EPB41: variants seen among roughly 807,000 people sequenced by gnomAD.
The protein encoded by EPB41 is protein 4.1.
Under a neutral mutation model 108.0 loss-of-function variants are expected in EPB41, and 65 were observed. That is an observed-to-expected ratio of 0.60 (90% CI 0.49 to 0.74). EPB41 has a LOEUF of 0.74. EPB41 is among the 30% of genes least tolerant of loss of function. EPB41 has a pLI of 0.00. For missense variants in EPB41, 875 were observed against 1,037.0 expected (o/e 0.84, Z 2.15); for synonymous variants, 336 against 358.9 (o/e 0.94, Z 0.72).
chr1:29,031,074 G>T (rs555028058), intron 8 of EPB41, among the ~76,000 whole-genome samples: 1 of 152,252 alleles, frequency 6.6e-6, no homozygotes, highest in South Asian at 2.1e-4. Context: ...CTCCCAAAGT[G>T]CTGGGATTAC....
intron 7 of EPB41, among the ~76,000 whole-genome samples, chr1:29,021,567 A>G (rs1417640320): frequency 6.6e-6 from 1 of 151,934 alleles, no homozygotes; most frequent in Non-Finnish European, 1.5e-5. Flanking sequence ...TTGTGAGCTG[A>G]ATTGGCCATC....
At chr1:28,921,373 C>T (rs1446590335) in intron 1 of EPB41, among the ~76,000 whole-genome samples, 1 of 152,088 alleles carries the variant, frequency 6.6e-6, no homozygotes, top group Non-Finnish European at 1.5e-5. Flanking sequence ...GAGTGTTTCA[C>T]CTTAATAATA....
At chr1:29,094,993 AT>A (rs1662682458) in intron 16 of EPB41, among the ~76,000 whole-genome samples, 1 of 152,256 alleles carries the variant, frequency 6.6e-6, no homozygotes, top group South Asian at 2.1e-4. Flanking sequence ...TATAAATGCT[AT>A]GTAAATAGTT....
intron 1 of EPB41, among the ~76,000 whole-genome samples, chr1:28,923,696 A>G (rs1343735233): frequency 6.6e-6 from 1 of 152,200 alleles, no homozygotes; most frequent in South Asian, 2.1e-4. Flanking sequence ...TCAATATTTA[A>G]TGTATTCTCT....
At position 29,039,387 on chromosome 1, in the gene EPB41, C is replaced by T. The variant is rs1640656759; in HGVS notation, c.1597C>T (p.Arg533Cys). 2.5e-6 allele frequency: 4 copies of T among 1,614,034 alleles called. No individual in the cohort carries two copies. Among genetic ancestry groups the T allele is most frequent in the Non-Finnish European group, 3.4e-6 (4 of 1,180,020 alleles). Residue 533 changes from arginine (R) to cysteine (C), a missense_variant, in exon 11 of 21, where the codon CGT becomes TGT. Physicochemically the swap from Arg to Cys is radical, Grantham distance 180. Coordinates refer to ENST00000343067, the MANE Select transcript of EPB41 (RefSeq NM_001376013.1). ...TGACAGGCCTGCCCCACACTTCGAG[C>T]GTACAGCAAGTAAACGGGCGTCCCG... ...LIDRPAPHFE[R>C]TASKRASRSL...
At chr1:28,969,487 C>T (rs1172775218) in intron 1 of EPB41, among the ~76,000 whole-genome samples, 5 of 151,762 alleles carry the variant, frequency 3.3e-5, no homozygotes, top group East Asian at 2.0e-4. Context: ...TGAAATTAGC[C>T]GGGCGCAGTG....
At chr1:28,907,807 A>C (rs1391997537) in intron 1 of EPB41, among the ~76,000 whole-genome samples, 4 of 150,348 alleles carry the variant, frequency 2.7e-5, no homozygotes, top group African/African-American at 9.9e-5. Context: ...CTCCAAAGCT[A>C]GTGCCAGATT....
At chr1:29,008,013 A>G (rs1182035945) in intron 4 of EPB41, among the ~76,000 whole-genome samples, 1 of 152,194 alleles carries the variant, frequency 6.6e-6, no homozygotes, top group Non-Finnish European at 1.5e-5. Context: ...CTTTAAACAT[A>G]TACCTATTTA....
At chr1:29,033,428 CT>C (rs753602931) in intron 9 of EPB41, among the ~76,000 whole-genome samples, 183 bp downstream of exon 9, 3 of 152,120 alleles carry the variant, frequency 2.0e-5, no homozygotes, top group Non-Finnish European at 4.4e-5. Flanking sequence ...TACTACTGGT[CT>C]TCTGGACATT....
At chr1:29,059,132 AGGCGTGTTGGTGCAC>A (rs1646073425) in intron 14 of EPB41, among the ~76,000 whole-genome samples, 1 of 152,094 alleles carries the variant, frequency 6.6e-6, no homozygotes, top group Non-Finnish European at 1.5e-5. Context: ...AAAATTAGCC[AGGCGTGTTGGTGCAC>A]GCCTTTAATC....
chr1:29,036,550 T>C (rs4654386), intron 10 of EPB41, among the ~76,000 whole-genome samples: 50,713 of 151,892 alleles, frequency 0.33, 10,438 homozygotes, highest in African/African-American at 0.58. Context: ...CATGAACCAC[T>C]GTGCCCGGAC....
At chr1:29,097,260 A>G (rs1663529564) in intron 16 of EPB41, 1 of 166,528 alleles carries the variant, frequency 6.0e-6, no homozygotes, top group Non-Finnish European at 1.3e-5. Context: ...AGGTGGTGGT[A>G]GAACTGATTG....
chr1:28,983,596 T>C (rs903293868), intron 1 of EPB41, among the ~76,000 whole-genome samples: 1 of 152,162 alleles, frequency 6.6e-6, no homozygotes, highest in Admixed American at 6.5e-5. Flanking sequence ...CTCAACTCCT[T>C]GTGGGAAGGA....
intron 17 of EPB41, among the ~76,000 whole-genome samples, chr1:29,107,980 G>A (rs1667775746): frequency 7.8e-6 from 1 of 128,762 alleles, no homozygotes; most frequent in Non-Finnish European, 1.6e-5. Context: ...GGTGAGCTGA[G>A]ATCACGCCAC....
chr1:29,015,456 C>T (rs540790915), intron 5 of EPB41, among the ~76,000 whole-genome samples: 5 of 151,950 alleles, frequency 3.3e-5, no homozygotes, highest in Non-Finnish European at 5.9e-5. Flanking sequence ...CCTCAGTAGG[C>T]TGAGACAGAA....
chr1:28,915,029 A>T (rs2092505922), intron 1 of EPB41, among the ~76,000 whole-genome samples: 1 of 150,550 alleles, frequency 6.6e-6, no homozygotes, highest in Non-Finnish European at 1.5e-5. Flanking sequence ...GGAGTGTTGG[A>T]AAGTTAGGCT....
In EPB41 at chr1:29,018,103, T is replaced by A; in HGVS notation, c.906-121T>A. Reference sequence around the variant, plus strand: ...TCTCATATTTACTTAATTGCTTTCTTTTCTTCTGTGTCCTTATTTTTTCTC... The same window carrying A: ...TCTCATATTTACTTAATTGCTTTCTATTCTTCTGTGTCCTTATTTTTTCTC... On this transcript the variant is annotated intron_variant, in intron 6 of 20. Coordinates refer to ENST00000343067, the MANE Select transcript of EPB41 (RefSeq NM_001376013.1). The surrounding 1 kb of genome is among the most constrained non-coding windows in gnomAD (Gnocchi z 4.4). 1.1e-6 allele frequency: 1 copy of A among 872,124 alleles called. No individual in the cohort carries two copies. Among genetic ancestry groups the A allele is most frequent in the South Asian group, 1.5e-5 (1 of 65,924 alleles). 54.0% of individuals were successfully genotyped at this position (872,124 alleles called of 1,614,324 possible). A position where few individuals can be genotyped will look rare whatever the true frequency, so the allele number is the denominator to read the frequency against.
chr1:28,974,312 A>G (rs181003281), intron 1 of EPB41, among the ~76,000 whole-genome samples: 5 of 152,212 alleles, frequency 3.3e-5, no homozygotes, highest in Non-Finnish European at 5.9e-5. Flanking sequence ...TCTGGTCACT[A>G]TAAGTCTAGA....
At chr1:28,971,028 A>G (rs540468338) in intron 1 of EPB41, among the ~76,000 whole-genome samples, 1 of 151,674 alleles carries the variant, frequency 6.6e-6, no homozygotes, top group East Asian at 1.9e-4. Context: ...TTGTATTTTC[A>G]GTAGAGAGAG....
Sources: allele counts gnomAD v4.1 joint callset (sites outside exome capture counted in the v4.1 genomes callset), GRCh38; gene constraint gnomAD v4.1.1; non-coding constraint Gnocchi (gnomAD v3.1); transcripts MANE v1.5; gene names NCBI Gene and HGNC (gene_info 2026-07-23, HGNC 2026-07-21).